The following RNF4 variants were observed in gnomAD, a reference collection of about 807,000 sequenced individuals.
RNF4 encodes the protein E3 ubiquitin-protein ligase RNF4.
Under a neutral mutation model 24.3 loss-of-function variants are expected in RNF4, and 7 were observed. That is an observed-to-expected ratio of 0.29 (90% CI 0.16 to 0.54). RNF4 has a LOEUF of 0.54. Among genes scored for constraint, RNF4 ranks in the 20% least tolerant of loss-of-function variants. RNF4 has a pLI of 0.95. For synonymous variants in RNF4, 83 were observed against 84.3 expected, an observed-to-expected ratio of 0.98 and a Z score of 0.09; for missense variants, 209 against 248.5, an observed-to-expected ratio of 0.84 and a Z score of 1.07.
rs1736310641 is a variant in RNF4 at position 2,512,996 on chromosome 4, T to C, written c.375-87T>C. On this transcript the variant is annotated intron_variant, in intron 6 of 7. Coordinates refer to ENST00000314289, the MANE Select transcript of RNF4 (RefSeq NM_002938.5). The surrounding 1 kb of genome is among the most constrained non-coding windows in gnomAD (Gnocchi z 4.1). Reference sequence around the variant, plus strand: ...GTCAGGAGGCCAGGGACGGGACTCTTGTAGGGGATAGGGGCCACTCACGTG... The same window carrying C: ...GTCAGGAGGCCAGGGACGGGACTCTCGTAGGGGATAGGGGCCACTCACGTG... 9 of 1,306,644 alleles carry C rather than the reference T, an allele frequency of 6.9e-6. No homozygotes were observed. The highest frequency in any genetic ancestry group is 1.0e-5 in the Non-Finnish European group (9 of 902,238). The allele number at this position is 1,306,644 out of a possible 1,614,324, so 80.9% of individuals were successfully genotyped here. A position where few individuals can be genotyped will look rare whatever the true frequency, so the allele number is the denominator to read the frequency against.
At chr4:2,499,151 C>T (rs905730431) in intron 3 of RNF4, among the ~76,000 whole-genome samples, 1 of 152,040 alleles carries the variant, frequency 6.6e-6, no homozygotes, top group Non-Finnish European at 1.5e-5. Context: ...GAGCCGAGAT[C>T]GTGCCACTGC....
Position 2,513,919 on chromosome 4 carries a change from G to A in RNF4, c.*100G>A, listed in dbSNP as rs930385019. On this transcript the variant is annotated 3_prime_UTR_variant, in exon 8 of 8. Transcript: ENST00000314289. Reference sequence around the variant, plus strand: ...TTCCTGAGATCAAAAAGACTGTTTCGAAACCAACATCTGATATGTAAACTG... The same window carrying A: ...TTCCTGAGATCAAAAAGACTGTTTCAAAACCAACATCTGATATGTAAACTG... The A allele has an allele frequency of 8.1e-5, 119 of 1,472,294 alleles. No homozygotes were observed. Among genetic ancestry groups the A allele is most frequent in the Non-Finnish European group, 1.0e-4 (112 of 1,067,196 alleles). The allele number at this position is 1,472,294 out of a possible 1,614,324, so 91.2% of individuals were successfully genotyped here. A position where few individuals can be genotyped will look rare whatever the true frequency, so the allele number is the denominator to read the frequency against.
In RNF4 at chr4:2,495,331, A is replaced by G. The variant is rs77644669; in HGVS notation, c.10-1676A>G. ...GATGGTGGGTGTTCCTGGATCTTGTATGAATCTCTCCTGCAATATCTGGTC... is the reference window on the plus strand; with the variant it reads ...GATGGTGGGTGTTCCTGGATCTTGTGTGAATCTCTCCTGCAATATCTGGTC... On this transcript the variant is annotated intron_variant, in intron 2 of 7. Coordinates refer to ENST00000314289, the MANE Select transcript of RNF4 (RefSeq NM_002938.5). Among the ~76,000 whole-genome samples, 679 of 152,324 alleles carry G rather than the reference A, an allele frequency of 4.5e-3. 12 individuals are homozygous for G. The highest frequency in any genetic ancestry group is 0.025 in the Admixed American group (388 of 15,286).
At chr4:2,503,480 A>G (rs1394812308) in intron 4 of RNF4, among the ~76,000 whole-genome samples, 3 of 152,268 alleles carry the variant, frequency 2.0e-5, no homozygotes, top group Non-Finnish European at 2.9e-5. Context: ...TCTCAGATCT[A>G]CTGGTCAGTT....
intron 1 of RNF4, among the ~76,000 whole-genome samples, chr4:2,471,497 A>G (rs1315118280): frequency 6.6e-6 from 1 of 152,230 alleles, no homozygotes; most frequent in Non-Finnish European, 1.5e-5. Flanking sequence ...CAAAAGGAGC[A>G]GTCAGTTGAA....
At position 2,512,867 on chromosome 4, in the gene RNF4, C is replaced by T. The variant is rs1164317964; in HGVS notation, c.375-216C>T. Among the ~76,000 whole-genome samples the T allele has an allele frequency of 6.6e-6, 1 of 152,144 alleles. No homozygotes were observed. The highest frequency in any genetic ancestry group is 1.5e-5 in the Non-Finnish European group (1 of 68,020). ...GGGCTGGTAGGGGCCTGGGGGAGGG[C>T]AGGGTGACTCAGGTTGTGTGCACCT... On this transcript the variant is annotated intron_variant, in intron 6 of 7. Coordinates refer to ENST00000314289, the MANE Select transcript of RNF4 (RefSeq NM_002938.5). The surrounding 1 kb of genome is among the most constrained non-coding windows in gnomAD (Gnocchi z 4.1).
intron 5 of RNF4, 26 bp downstream of exon 5, chr4:2,511,991 C>T (rs781178259): frequency 1.9e-6 from 3 of 1,602,648 alleles, no homozygotes; most frequent in Non-Finnish European, 2.6e-6. Flanking sequence ...TCCTTTTTCA[C>T]TGGGTTTGGA....
At chr4:2,500,156 CAAAAAAAAAAA>C (rs5855735) in intron 3 of RNF4, among the ~76,000 whole-genome samples, 1 of 77,210 alleles carries the variant, frequency 1.3e-5, no homozygotes, top group African/African-American at 4.7e-5. Flanking sequence ...GACTCTGTCT[CAAAAAAAAAAA>C]AAAAAAAAAA....
chr4:2,509,300 C>T (rs1241682042), intron 4 of RNF4, among the ~76,000 whole-genome samples: 1 of 152,098 alleles, frequency 6.6e-6, no homozygotes, highest in Admixed American at 6.6e-5. Context: ...TCACTGCCCC[C>T]TCCACCTCCT....
At chr4:2,508,594 GTTTTGTTTTTTGT>G (rs955765499) in intron 4 of RNF4, among the ~76,000 whole-genome samples, 3 of 151,976 alleles carry the variant, frequency 2.0e-5, no homozygotes, top group Admixed American at 2.0e-4. Flanking sequence ...GTTTTGTTTT[GTTTTGTTTTTTGT>G]TTTTGTTTTG....
At chr4:2,489,060 G>T (rs573067327) in intron 1 of RNF4, among the ~76,000 whole-genome samples, 1 of 152,082 alleles carries the variant, frequency 6.6e-6, no homozygotes, top group African/African-American at 2.4e-5. Flanking sequence ...TGATCCACCC[G>T]CCTTGGCCTC....
intron 1 of RNF4, among the ~76,000 whole-genome samples, chr4:2,474,145 G>T (rs1734996576): frequency 1.3e-5 from 2 of 152,090 alleles, no homozygotes; most frequent in South Asian, 4.1e-4. Context: ...GGAGGCCAAG[G>T]CAGGCGGATC....
intron 1 of RNF4, among the ~76,000 whole-genome samples, chr4:2,485,724 C>A (rs1226322790): frequency 6.6e-6 from 1 of 152,174 alleles, no homozygotes; most frequent in Non-Finnish European, 1.5e-5. Context: ...CCATCAACAC[C>A]CCACTCTTAC....
In RNF4 at chr4:2,497,016, CGTG is replaced by C; in HGVS notation, c.24_26del (p.Gly9del). 1 of 1,600,290 alleles carries C rather than the reference CGTG, an allele frequency of 6.2e-7. No homozygotes were observed. Among genetic ancestry groups the C allele is most frequent in the East Asian group, 2.3e-5 (1 of 44,334 alleles). ...CCCCCTTGCTACTCAGAGAAAGCGT[CGTG>C]GTGGAGCAATAAATTCTAGACAAGC... On this transcript the variant is annotated inframe_deletion, in exon 3 of 8. Transcript: ENST00000314289.
At chr4:2,482,747 C>G (rs1735279775) in intron 1 of RNF4, among the ~76,000 whole-genome samples, 1 of 152,212 alleles carries the variant, frequency 6.6e-6, no homozygotes, top group Non-Finnish European at 1.5e-5. Context: ...CTGCTGCTTT[C>G]TGCTTTGATC....
intron 2 of RNF4, among the ~76,000 whole-genome samples, chr4:2,495,645 G>A: frequency 6.7e-6 from 1 of 148,758 alleles, no homozygotes; most frequent in East Asian, 2.0e-4. Context: ...TTTTTGGGGG[G>A]GGGTGAGATG....
rs187668223 is a variant in RNF4, at chr4:2,483,675, G to A, written c.-157-6662G>A. On this transcript the variant is annotated intron_variant, in intron 1 of 7. Transcript: ENST00000314289. ...AAAAATTAGCCGGGCATGGTGGTGGGTTCCTGTAATCCCAGCTAGTTGGGA... is the reference window on the plus strand; with the variant it reads ...AAAAATTAGCCGGGCATGGTGGTGGATTCCTGTAATCCCAGCTAGTTGGGA... Among the ~76,000 whole-genome samples the A allele has an allele frequency of 8.0e-3, 1,220 of 152,056 alleles. 15 individuals are homozygous for A. The highest frequency in any genetic ancestry group is 9.3e-3 in the Non-Finnish European group (632 of 67,980).
chr4:2,512,746 C>A lies in RNF4; in HGVS notation c.374+149C>A. ...ATCTGGATACAGTTGGAACTGGGTC[C>A]AGAACTGAGTCCAGCTATTCCCACT... On this transcript the variant is annotated intron_variant, in intron 6 of 7. Coordinates refer to ENST00000314289, the MANE Select transcript of RNF4 (RefSeq NM_002938.5). The surrounding 1 kb of genome is among the most constrained non-coding windows in gnomAD (Gnocchi z 4.1). The A allele has an allele frequency of 1.1e-6, 1 of 920,770 alleles. No homozygotes were observed. Among genetic ancestry groups the A allele is most frequent in the Non-Finnish European group, 1.6e-6 (1 of 623,466 alleles). 57.0% of individuals were successfully genotyped at this position (920,770 alleles called of 1,614,324 possible).
chr4:2,491,325 G>A (rs752070980), intron 2 of RNF4, among the ~76,000 whole-genome samples: 2 of 151,840 alleles, frequency 1.3e-5, no homozygotes, highest in African/African-American at 2.4e-5. Context: ...CAACCTCCAC[G>A]TTCTGGGTTC....
Sources: allele counts gnomAD v4.1 joint callset (sites outside exome capture counted in the v4.1 genomes callset), GRCh38; gene constraint gnomAD v4.1.1; non-coding constraint Gnocchi (gnomAD v3.1); transcripts MANE v1.5; gene names NCBI Gene and HGNC (gene_info 2026-07-23, HGNC 2026-07-21).